The following WNK1 variants were observed in gnomAD, a reference collection of about 807,000 sequenced individuals.
WNK1 encodes WNK lysine deficient protein kinase 1.
Under a neutral mutation model 222.8 loss-of-function variants are expected in WNK1, and 38 were observed. That is an observed-to-expected ratio of 0.17 (90% CI 0.13 to 0.22). The LOEUF is 0.22. WNK1 is among the 10% of genes least tolerant of loss of function. The pLI is 1.00. For missense variants in WNK1, 2,348 were observed against 2,918.4 expected (o/e 0.80, Z 4.50); for synonymous variants, 1,090 against 1,092.9 (o/e 1.00, Z 0.05).
Position 896,089 on chromosome 12 carries a change from G to T in WNK1, c.5602G>T (p.Gly1868Cys). Reference protein sequence around the residue: ...GRFQVSVAADGAQKEGKNKSE... With the variant: ...GRFQVSVAADCAQKEGKNKSE... ...TTATCAGGTTTCTGTTGCAGCAGAC[G>T]GTGCCCAGAAAGAGGGTAAAAATAA... is the stretch of plus-strand genomic sequence containing the variant. Residue 1868 changes from glycine (G) to cysteine (C), a missense_variant, in exon 24 of 28, where the codon GGT becomes TGT. By Grantham distance (159) the Gly-to-Cys change is radical (BLOSUM62 -3). Transcript: ENST00000315939. The T allele has an allele frequency of 1.2e-6, 2 of 1,614,120 alleles. No individual in the cohort carries two copies. The highest frequency in any genetic ancestry group is 1.7e-6 in the Non-Finnish European group (2 of 1,180,024).
chr12:807,711 C>CTTTTTTTTTTTT (rs869122990), intron 1 of WNK1, among the ~76,000 whole-genome samples: 1 of 78,776 alleles, frequency 1.3e-5, no homozygotes, highest in African/African-American at 4.8e-5. Context: ...AGCAATAATT[C>CTTTTTTTTTTTT]TTTTTTTTTT....
In WNK1 at chr12:762,718, T is replaced by G. The variant is rs553120506; in HGVS notation, c.759+8394T>G. On this transcript the variant is annotated intron_variant, in intron 1 of 27. Coordinates refer to ENST00000315939, the MANE Select transcript of WNK1 (RefSeq NM_018979.4). ...ATTCCAGTAGTCCCCACTCTTCTTC[T>G]TAGGGGATAATGGTTATTTTTTTCT... Among the ~76,000 whole-genome samples, 12 of 147,524 alleles carry G rather than the reference T, an allele frequency of 8.1e-5. No homozygotes were observed. The South Asian group carries it at 2.4e-3, about 30-fold the overall frequency.
In WNK1 at chr12:885,968, G is replaced by A. The variant is rs568836447; in HGVS notation, c.5164G>A (p.Ala1722Thr). ...AACCAATTTACCACTAGGAACAGTT[G>A]CTTTGCCAGTTACACCAGTGGTCAC... is the stretch of plus-strand genomic sequence containing the variant. ...PPTNLPLGTV[A>T]LPVTPVVTPG... Residue 1722 changes from alanine (A) to threonine (T), a missense_variant, in exon 19 of 28, where the codon GCT becomes ACT. By Grantham distance (58) the Ala-to-Thr change is moderately conservative. This residue lies in a region of WNK1 where 1,144 missense variants were observed against 1,273.6 expected (regional missense o/e 0.90). Transcript: ENST00000315939. 1.9e-6 allele frequency: 3 copies of A among 1,591,754 alleles called. No individual in the cohort carries two copies. Among genetic ancestry groups the A allele is most frequent in the South Asian group, 2.3e-5 (2 of 86,946 alleles).
At chr12:792,595 T>C (rs1440243150) in intron 1 of WNK1, among the ~76,000 whole-genome samples, 1 of 152,134 alleles carries the variant, frequency 6.6e-6, no homozygotes, top group African/African-American at 2.4e-5. Flanking sequence ...ATTACAGGTA[T>C]GAGTCACCAC....
intron 1 of WNK1, among the ~76,000 whole-genome samples, chr12:776,054 G>A (rs755866593): frequency 7.9e-5 from 12 of 152,160 alleles, no homozygotes; most frequent in Non-Finnish European, 1.5e-4. Flanking sequence ...AGACAATAAA[G>A]ACAGGATCTC....
chr12:905,054 ATTG>A (rs1955583839), intron 26 of WNK1, among the ~76,000 whole-genome samples: 1 of 152,150 alleles, frequency 6.6e-6, no homozygotes, highest in Non-Finnish European at 1.5e-5. Flanking sequence ...ATAATAGGTT[ATTG>A]TTAGTAGGAT....
chr12:826,277 A>G (rs1398528505), intron 2 of WNK1, among the ~76,000 whole-genome samples: 2 of 152,232 alleles, frequency 1.3e-5, no homozygotes, highest in African/African-American at 4.8e-5. Flanking sequence ...TAGTTAATCT[A>G]CATTTGAGTA....
intron 1 of WNK1, among the ~76,000 whole-genome samples, chr12:769,308 C>A (rs910465432): frequency 1.3e-5 from 2 of 151,790 alleles, no homozygotes; most frequent in South Asian, 4.2e-4. Flanking sequence ...AAGTGATTCT[C>A]ATGCCTCAGC....
At chr12:855,044 A>G (rs1000191334) in intron 4 of WNK1, among the ~76,000 whole-genome samples, 1 of 152,226 alleles carries the variant, frequency 6.6e-6, no homozygotes, top group Non-Finnish European at 1.5e-5. Flanking sequence ...AACTGTGCTC[A>G]GTTTTTTACT....
rs762700475 is a variant in WNK1 at position 861,082 on chromosome 12, T to C, written c.1690T>C (p.Leu564=). The part of the protein sequence containing the change: ...MAKAIKDRVS[L]IKRKREQRQL... Reference sequence around the variant, plus strand: ...TAAAGCTATCAAAGACAGAGTATCATTAATTAAGAGGAAACGAGAGCAGCG... The same window carrying C: ...TAAAGCTATCAAAGACAGAGTATCACTAATTAAGAGGAAACGAGAGCAGCG... The change falls in exon 7 of 28, where the codon TTA becomes CTA. Residue 564 remains leucine, a synonymous_variant. Coordinates refer to ENST00000315939, the MANE Select transcript of WNK1 (RefSeq NM_018979.4). 1 of 1,613,860 alleles carries C rather than the reference T, an allele frequency of 6.2e-7. No homozygotes were observed. Among genetic ancestry groups the C allele is most frequent in the Non-Finnish European group, 8.5e-7 (1 of 1,179,968 alleles).
At chr12:805,858 A>G (rs914770370) in intron 1 of WNK1, among the ~76,000 whole-genome samples, 1 of 152,156 alleles carries the variant, frequency 6.6e-6, no homozygotes, top group Non-Finnish European at 1.5e-5. Context: ...CACAATATAC[A>G]TATATTTATT....
intron 1 of WNK1, among the ~76,000 whole-genome samples, chr12:793,310 T>C (rs1433106518): frequency 6.6e-6 from 1 of 152,110 alleles, no homozygotes; most frequent in African/African-American, 2.4e-5. Context: ...TAAAGTAGAG[T>C]TTACTGAAGT....
At chr12:782,567 C>T (rs1436033624) in intron 1 of WNK1, among the ~76,000 whole-genome samples, 2 of 152,104 alleles carry the variant, frequency 1.3e-5, no homozygotes, top group African/African-American at 4.8e-5. Context: ...TTGTAGTGAG[C>T]GATGTCGGCT....
intron 1 of WNK1, among the ~76,000 whole-genome samples, chr12:804,416 GT>G (rs1190236230): frequency 1.4e-3 from 207 of 144,212 alleles, no homozygotes; most frequent in Middle Eastern, 3.5e-3. Flanking sequence ...CAAACTGAAA[GT>G]TTTTTTTTTT....
chr12:785,630 C>CTCGT (rs1384858559), intron 1 of WNK1, among the ~76,000 whole-genome samples: 1 of 152,140 alleles, frequency 6.6e-6, no homozygotes, highest in Admixed American at 6.5e-5. Context: ...ATCTCCTGAC[C>CTCGT]TCGTGATCCA....
chr12:906,331 G>A (rs1955697890), intron 26 of WNK1: 1 of 985,186 alleles, frequency 1.0e-6, no homozygotes, highest in Admixed American at 6.2e-5. Context: ...CCCTCCAGCA[G>A]AGCCGAAATC....
chr12:885,538 T>A lies in WNK1; in HGVS notation c.4734T>A (p.Ser1578=). 6.2e-7 allele frequency: 1 copy of A among 1,614,156 alleles called. No homozygotes were observed. The highest frequency in any genetic ancestry group is 8.5e-7 in the Non-Finnish European group (1 of 1,180,022). Residue 1578 remains serine (S), a synonymous_variant, in exon 19 of 28, where the codon TCT becomes TCA. Transcript: ENST00000315939. ...HPLVIPSVIA[S]TPILPQAAGP... ...TGGTCATTCCATCAGTGATAGCTTC[T>A]ACTCCTATTCTTCCCCAAGCAGCAG... is the stretch of plus-strand genomic sequence containing the variant.
chr12:781,874 C>G (rs929437281), intron 1 of WNK1, among the ~76,000 whole-genome samples: 3 of 151,890 alleles, frequency 2.0e-5, no homozygotes, highest in African/African-American at 7.2e-5. Context: ...TGTCAGATTT[C>G]TTTGTTCCCC....
intron 1 of WNK1, among the ~76,000 whole-genome samples, chr12:761,552 G>T (rs1360520761): frequency 6.8e-6 from 1 of 147,990 alleles, no homozygotes; most frequent in Non-Finnish European, 1.5e-5. Flanking sequence ...ATTTTTGTCA[G>T]TAGATACGTG....
Sources: allele counts gnomAD v4.1 joint callset (sites outside exome capture counted in the v4.1 genomes callset), GRCh38; gene constraint gnomAD v4.1.1; regional missense constraint gnomAD v4.1.1; transcripts MANE v1.5; gene names NCBI Gene and HGNC (gene_info 2026-07-23, HGNC 2026-07-21).